Variants in GIT2 observed in about 807,000 individuals in gnomAD.
GIT2 encodes ARF GTPase-activating protein GIT2.
A neutral mutation model predicts 100.3 loss-of-function variants in GIT2; 32 were observed. The observed-to-expected ratio is 0.32, with a 90% CI of 0.24 to 0.43. The LOEUF is 0.43. Among genes scored for constraint, GIT2 ranks in the 20% least tolerant of loss-of-function variants. The pLI, the probability that GIT2 is intolerant of heterozygous loss-of-function variation, is 1.00. For missense variants in GIT2, 737 were observed against 975.1 expected, an observed-to-expected ratio of 0.76 and a Z score of 3.25; for synonymous variants, 353 against 364.1, an observed-to-expected ratio of 0.97 and a Z score of 0.35.
chr12:109,950,993 T>C (rs1488830432), intron 14 of GIT2, 174 bp downstream of exon 14: 17 of 668,208 alleles, frequency 2.5e-5, no homozygotes, highest in Non-Finnish European at 4.3e-5. Flanking sequence ...CTGGATATAT[T>C]TCATTTTAAA....
In GIT2 at chr12:109,932,914, C is replaced by T. The variant is rs73419535; in HGVS notation, c.*64G>A. 1.7e-4 allele frequency: 147 copies of T among 886,792 alleles called. No homozygotes were observed. In the African/African-American group the frequency reaches 1.9e-3, roughly 11 times the overall value. The allele number at this position is 886,792 out of a possible 1,614,324, so 54.9% of individuals were successfully genotyped here. A position where few individuals can be genotyped will look rare whatever the true frequency, so the allele number is the denominator to read the frequency against. Reference sequence around the variant, plus strand: ...TTTTGTAGAAATCTGAAGAGTTCTGCGTCTGAATTTGAAATTGGACTTTAT... The same window carrying T: ...TTTTGTAGAAATCTGAAGAGTTCTGTGTCTGAATTTGAAATTGGACTTTAT... On this transcript the variant is annotated 3_prime_UTR_variant, in exon 20 of 20. Transcript: ENST00000355312.
At chr12:109,974,744 G>A (rs1029106447) in intron 7 of GIT2, among the ~76,000 whole-genome samples, 1 of 152,158 alleles carries the variant, frequency 6.6e-6, no homozygotes, top group Non-Finnish European at 1.5e-5. Context: ...TTCTAATGTT[G>A]TCAGGTAGAA....
chr12:109,932,261 C>T lies in GIT2; in HGVS notation c.*717G>A, dbSNP rs1871777405. 1 of 152,254 alleles carries T rather than the reference C, an allele frequency of 6.6e-6. No homozygotes were observed. The highest frequency in any genetic ancestry group is 2.4e-5 in the African/African-American group (1 of 41,474). 9.4% of individuals were successfully genotyped at this position (152,254 alleles called of 1,614,324 possible). A position where few individuals can be genotyped will look rare whatever the true frequency, so the allele number is the denominator to read the frequency against. Reference sequence around the variant, plus strand: ...ATGTGCGTGGAGCTCCTACCCTGAACATGGCTTCATGAGATGTCCTGTGGT... The same window carrying T: ...ATGTGCGTGGAGCTCCTACCCTGAATATGGCTTCATGAGATGTCCTGTGGT... On this transcript the variant is annotated 3_prime_UTR_variant, in exon 20 of 20. Coordinates refer to ENST00000355312, the MANE Select transcript of GIT2 (RefSeq NM_057169.5).
intron 9 of GIT2, 90 bp from the exon 10 acceptor site, chr12:109,961,775 C>G (rs1881151005): frequency 2.5e-6 from 2 of 789,380 alleles, no homozygotes; most frequent in African/African-American, 3.4e-5. Flanking sequence ...CTTTTATTGC[C>G]TACGTCTTAT....
At chr12:109,979,640 G>T (rs992846143) in intron 7 of GIT2, among the ~76,000 whole-genome samples, 1 of 152,160 alleles carries the variant, frequency 6.6e-6, no homozygotes, top group African/African-American at 2.4e-5. Flanking sequence ...CCTATCAGAA[G>T]TAAGACAAAC....
At chr12:109,952,097 G>C (rs974231914) in intron 13 of GIT2, among the ~76,000 whole-genome samples, 1 of 152,188 alleles carries the variant, frequency 6.6e-6, no homozygotes, top group Admixed American at 6.5e-5. Flanking sequence ...GGTGTCCCCT[G>C]CATCTGCTAA....
chr12:109,952,682 T>A (rs1482761413), intron 13 of GIT2: 2 of 505,662 alleles, frequency 4.0e-6, no homozygotes, highest in Admixed American at 4.0e-5. Flanking sequence ...CCCCACCTGA[T>A]GCTCCCAGCC....
chr12:109,999,693 C>T, upstream of GIT2: 5 of 1,535,982 alleles, frequency 3.3e-6, no homozygotes, highest in Non-Finnish European at 4.4e-6. This position sits in a 1 kb window ranked among gnomAD's most constrained non-coding sequence, Gnocchi z 4.3. Context: ...CTCGCCATGT[C>T]CTCGGCCTGC....
chr12:109,974,239 G>GT (rs966143999), intron 7 of GIT2, among the ~76,000 whole-genome samples: 1 of 151,706 alleles, frequency 6.6e-6, no homozygotes, highest in Non-Finnish European at 1.5e-5. Flanking sequence ...GAAGTGTGTT[G>GT]TTCAGGGCCG....
chr12:109,996,441 C>G (rs1285392051), upstream of GIT2: 2 of 520,748 alleles, frequency 3.8e-6, no homozygotes, highest in Non-Finnish European at 6.8e-6. Flanking sequence ...TCTGCCTTGT[C>G]GCCATCTTGA....
intron 4 of GIT2, among the ~76,000 whole-genome samples, chr12:109,984,678 C>T (rs544280373): frequency 6.6e-6 from 1 of 152,112 alleles, no homozygotes; most frequent in Admixed American, 6.5e-5. Flanking sequence ...AACTTACGAG[C>T]TGAAGTGATC....
intron 7 of GIT2, among the ~76,000 whole-genome samples, chr12:109,978,783 G>T (rs1189227587): frequency 2.0e-5 from 3 of 152,040 alleles, no homozygotes; most frequent in African/African-American, 4.8e-5. Context: ...TTATAGCATG[G>T]TCTTACTAGC....
rs1278945107 is a variant in GIT2, at chr12:109,932,957, G to A, written c.*21C>T. The A allele has an allele frequency of 3.6e-6, 5 of 1,389,136 alleles. No homozygotes were observed. Among genetic ancestry groups the A allele is most frequent in the Non-Finnish European group, 4.1e-6 (4 of 975,768 alleles). 86.1% of individuals were successfully genotyped at this position (1,389,136 alleles called of 1,614,324 possible). ...GACTTTATAAAGCCTAGAAAACAGA[G>A]GAGGCGGTGCCCTGCCCTTGTCAGT... On this transcript the variant is annotated 3_prime_UTR_variant, in exon 20 of 20. Transcript: ENST00000355312.
chr12:109,990,862 A>G (rs1303180515), intron 2 of GIT2, among the ~76,000 whole-genome samples: 1 of 152,274 alleles, frequency 6.6e-6, no homozygotes. Flanking sequence ...AAAACTTAAA[A>G]TGTTTCAGAA....
At chr12:109,978,499 T>C (rs1885616719) in intron 7 of GIT2, among the ~76,000 whole-genome samples, 1 of 152,226 alleles carries the variant, frequency 6.6e-6, no homozygotes, top group Non-Finnish European at 1.5e-5. Flanking sequence ...TTTAGTATTT[T>C]CCCACAGGTC....
At chr12:109,988,815 T>C (rs936882125) in intron 4 of GIT2, 148 bp downstream of exon 4, 2 of 518,972 alleles carry the variant, frequency 3.9e-6, no homozygotes, top group Non-Finnish European at 3.4e-6. Context: ...ATCGCGCCAC[T>C]GTACTCCCGC....
At chr12:109,941,982 G>A (rs1483524675) in intron 16 of GIT2, among the ~76,000 whole-genome samples, 2 of 151,804 alleles carry the variant, frequency 1.3e-5, no homozygotes, top group Non-Finnish European at 2.9e-5. Context: ...GTGCCACCAC[G>A]CTTGGCTAAT....
intron 12 of GIT2, among the ~76,000 whole-genome samples, chr12:109,955,992 G>A (rs186835963): frequency 2.0e-5 from 3 of 150,818 alleles, no homozygotes; most frequent in African/African-American, 4.9e-5. Flanking sequence ...GCAGTGGCAC[G>A]ATCTCAGCTC....
At chr12:109,961,538 TA>T in intron 10 of GIT2, 74 bp downstream of exon 10, 1 of 1,052,760 alleles carries the variant, frequency 9.5e-7, no homozygotes, top group Non-Finnish European at 1.5e-6. Flanking sequence ...ATTGGACTAG[TA>T]AAACACTGAG....
Sources: allele counts gnomAD v4.1 joint callset (sites outside exome capture counted in the v4.1 genomes callset), GRCh38; gene constraint gnomAD v4.1.1; non-coding constraint Gnocchi (gnomAD v3.1); transcripts MANE v1.5; gene names NCBI Gene and HGNC (gene_info 2026-07-23, HGNC 2026-07-21).